The following SLC20A2 variants were observed in gnomAD, a reference collection of about 807,000 sequenced individuals.
SLC20A2 encodes solute carrier family 20 member 2.
In SLC20A2, 30 loss-of-function variants were observed where a neutral mutation model predicts 61.0. That is an observed-to-expected ratio of 0.49 (90% CI 0.37 to 0.67). SLC20A2 has a LOEUF of 0.67. Ranked by LOEUF, SLC20A2 falls within the 30% of genes least tolerant of loss-of-function variation. The probability of loss-of-function intolerance (pLI) is 0.00; values close to 1 mark genes in which losing one functional copy is unlikely to be tolerated. For synonymous variants in SLC20A2, 351 were observed against 353.3 expected, an observed-to-expected ratio of 0.99 and a Z score of 0.07; for missense variants, 626 against 866.4, an observed-to-expected ratio of 0.72 and a Z score of 3.48.
chr8:42,493,997 G>A (rs1177830101), intron 1 of SLC20A2, among the ~76,000 whole-genome samples: 1 of 152,086 alleles, frequency 6.6e-6, no homozygotes, highest in Admixed American at 6.6e-5. Flanking sequence ...TAAAAAATTA[G>A]CCAGGTGTCG....
chr8:42,455,241 A>ATATATATATAT (rs1554555112), intron 5 of SLC20A2, among the ~76,000 whole-genome samples: 1 of 102,606 alleles, frequency 9.7e-6, no homozygotes, highest in African/African-American at 5.0e-5. Context: ...AAAAAAAAAA[A>ATATATATATAT]ATATATATAT....
chr8:42,509,825 C>G lies in SLC20A2; in HGVS notation c.-265+31996G>C, dbSNP rs376546642. The stretch of plus-strand genomic sequence containing the variant: ...ACTAGAGACAGATACAACATGGCCA[C>G]TAGCTTCAAAACAAAAGAGCACTAA... On this transcript the variant is annotated intron_variant, in intron 1 of 10. Coordinates refer to the SLC20A2 transcript ENST00000342228. Among the ~76,000 whole-genome samples, 82 of 152,222 alleles carry G rather than the reference C, an allele frequency of 5.4e-4. 1 individual carries two copies. Among genetic ancestry groups the G allele is most frequent in the African/African-American group, 1.9e-3 (78 of 41,546 alleles).
chr8:42,508,157 C>CT (rs987929429), intron 1 of SLC20A2, among the ~76,000 whole-genome samples: 13 of 151,924 alleles, frequency 8.6e-5, no homozygotes, highest in Middle Eastern at 3.4e-3. Flanking sequence ...GAGCAAGACT[C>CT]TGTCTCAAAA....
At chr8:42,492,364 G>C (rs1310802963) in intron 1 of SLC20A2, among the ~76,000 whole-genome samples, 2 of 152,092 alleles carry the variant, frequency 1.3e-5, no homozygotes, top group Non-Finnish European at 2.9e-5. Flanking sequence ...TCAAAAAAAA[G>C]AAAGAAAACG....
Position 42,437,089 on chromosome 8 carries a change from TCTC to T in SLC20A2, c.1420_1422del (p.Glu474del), listed in dbSNP as rs745588731. On this transcript the variant is annotated inframe_deletion, in exon 8 of 11. Coordinates refer to ENST00000520262, the MANE Select transcript of SLC20A2 (RefSeq NM_001257180.2). The surrounding 1 kb of genome is among the most constrained non-coding windows in gnomAD (Gnocchi z 6.4). ...ACCTCGGGTGCGTCCTTCTCCTCCT[TCTC>T]CTCCTCTGCAGGGTCCTCTCGCGGC... is the stretch of plus-strand genomic sequence containing the variant. 5.6e-6 allele frequency: 9 copies of T among 1,614,028 alleles called. No individual in the cohort carries two copies. Among genetic ancestry groups the T allele is most frequent in the Middle Eastern group, 1.7e-4 (1 of 6,052 alleles).
At chr8:42,480,722 T>C (rs987163742) in intron 1 of SLC20A2, among the ~76,000 whole-genome samples, 2 of 152,164 alleles carry the variant, frequency 1.3e-5, no homozygotes, top group East Asian at 1.9e-4. Context: ...TGCGGTGGCA[T>C]GATCATGGCT....
intron 1 of SLC20A2, among the ~76,000 whole-genome samples, chr8:42,476,975 G>A (rs1808162810): frequency 6.6e-6 from 1 of 151,688 alleles, no homozygotes; most frequent in Non-Finnish European, 1.5e-5. Context: ...CTCGCCACTG[G>A]TTACATGTAA....
intron 5 of SLC20A2, among the ~76,000 whole-genome samples, chr8:42,449,512 T>C (rs1805485712): frequency 6.6e-6 from 1 of 152,236 alleles, no homozygotes; most frequent in African/African-American, 2.4e-5. Context: ...TTCTTGTTTT[T>C]CACATCTAAC....
intron 1 of SLC20A2, among the ~76,000 whole-genome samples, chr8:42,521,211 T>C (rs1190285112): frequency 8.2e-6 from 1 of 121,452 alleles, no homozygotes; most frequent in African/African-American, 2.5e-5. Flanking sequence ...TGTCCTTCAA[T>C]GGACAAATGG....
At chr8:42,538,216 T>C (rs1232651518) in intron 1 of SLC20A2, 2 of 148,640 alleles carry the variant, frequency 1.3e-5, no homozygotes, top group African/African-American at 4.9e-5. Context: ...CTACTCTGTA[T>C]ATATACATGT....
chr8:42,430,015 G>T, intron 9 of SLC20A2, 49 bp downstream of exon 9: 1 of 1,516,838 alleles, frequency 6.6e-7, no homozygotes, highest in East Asian at 2.3e-5. Context: ...GCTCTACCCA[G>T]GCCTCGGATG....
chr8:42,430,021 G>A (rs370409264), intron 9 of SLC20A2, 43 bp downstream of exon 9: 23 of 1,537,316 alleles, frequency 1.5e-5, no homozygotes, highest in African/African-American at 9.6e-5. Flanking sequence ...CCCAGGCCTC[G>A]GATGACAAGA....
intron 1 of SLC20A2, chr8:42,534,968 G>T (rs1052872883): frequency 6.6e-6 from 1 of 152,094 alleles, no homozygotes; most frequent in African/African-American, 2.4e-5. Context: ...ACACAAAAGC[G>T]GATGGGTTAA....
At chr8:42,485,368 G>A (rs189574048) in intron 1 of SLC20A2, among the ~76,000 whole-genome samples, 17 of 152,256 alleles carry the variant, frequency 1.1e-4, no homozygotes, top group African/African-American at 2.2e-4. Flanking sequence ...TAGGCCGAAC[G>A]CGGTGGCTCA....
chr8:42,455,187 T>C (rs1172326038), intron 5 of SLC20A2, among the ~76,000 whole-genome samples: 1 of 129,984 alleles, frequency 7.7e-6, no homozygotes, highest in East Asian at 2.3e-4. Flanking sequence ...ATCACACTAC[T>C]GCACTCTAGC....
intron 5 of SLC20A2, among the ~76,000 whole-genome samples, chr8:42,451,257 A>T (rs1805611770): frequency 6.6e-6 from 1 of 151,592 alleles, no homozygotes. Context: ...GAGGAGAAAC[A>T]GGAAGAAGAG....
chr8:42,511,667 CA>C (rs1338476780), intron 1 of SLC20A2, among the ~76,000 whole-genome samples: 2 of 151,126 alleles, frequency 1.3e-5, no homozygotes, highest in Non-Finnish European at 2.9e-5. Context: ...GTAAGCAGTT[CA>C]AAGTCAAGCT....
chr8:42,437,176 C>G lies in SLC20A2; in HGVS notation c.1336G>C (p.Glu446Gln), dbSNP rs1274814812. 1.9e-6 allele frequency: 3 copies of G among 1,613,610 alleles called. No homozygotes were observed. Among genetic ancestry groups the G allele is most frequent in the Admixed American group, 3.3e-5 (2 of 60,024 alleles). Reference protein sequence around the residue: ...YCNAVAEAEIEAEEGGVEMKL... With the variant: ...YCNAVAEAEIQAEEGGVEMKL... The stretch of plus-strand genomic sequence containing the variant: ...ATCTCCACGCCGCCCTCCTCCGCCT[C>G]GATCTCCGCCTCTGCCACCGCGTTA... The change falls in exon 8 of 11, where the codon GAG (glutamate) becomes CAG (glutamine). Residue 446 changes from glutamate (E) to glutamine (Q), a missense_variant. Coordinates refer to ENST00000520262, the MANE Select transcript of SLC20A2 (RefSeq NM_001257180.2). The surrounding 1 kb of genome is among the most constrained non-coding windows in gnomAD (Gnocchi z 6.4).
intron 10 of SLC20A2, among the ~76,000 whole-genome samples, chr8:42,424,159 T>TGTGCTCAG (rs1202673734): frequency 1.1e-4 from 17 of 152,352 alleles, no homozygotes; most frequent in Admixed American, 9.1e-4. Context: ...CATGAGCAAC[T>TGTGCTCAG]GTGCTCAGTA....
Sources: allele counts gnomAD v4.1 joint callset (sites outside exome capture counted in the v4.1 genomes callset), GRCh38; gene constraint gnomAD v4.1.1; non-coding constraint Gnocchi (gnomAD v3.1); transcripts MANE v1.5; gene names NCBI Gene and HGNC (gene_info 2026-07-23, HGNC 2026-07-21).